The following SCAF4 variants were observed in gnomAD, a reference collection of about 807,000 sequenced individuals.
SCAF4 encodes the protein SR-related CTD associated factor 4.
SCAF4 carries 25 observed loss-of-function variants against 129.8 expected under a neutral mutation model. The ratio of observed to expected loss-of-function variants is 0.19; its 90% confidence interval spans 0.14 to 0.27. The LOEUF is 0.27. Ranked by LOEUF, SCAF4 falls within the 10% of genes least tolerant of loss-of-function variation. The pLI, the probability that SCAF4 is intolerant of heterozygous loss-of-function variation, is 1.00. For synonymous variants in SCAF4, 551 were observed against 497.7 expected (o/e 1.11, Z -1.43); for missense variants, 1,246 against 1,457.1 (o/e 0.86, Z 2.36).
chr21:31,673,255 A>T (rs2049757642), intron 19 of SCAF4, among the ~76,000 whole-genome samples: 1 of 152,182 alleles, frequency 6.6e-6, no homozygotes, highest in Non-Finnish European at 1.5e-5. Context: ...AAAGCATTGG[A>T]ATCTCTCAAT....
chr21:31,678,486 A>G (rs925069188), intron 19 of SCAF4, among the ~76,000 whole-genome samples: 1 of 150,952 alleles, frequency 6.6e-6, no homozygotes, highest in Non-Finnish European at 1.5e-5. Flanking sequence ...ACCAACTTCT[A>G]GAGTCTGTTT....
At chr21:31,682,487 T>C (rs2050020336) in intron 19 of SCAF4, among the ~76,000 whole-genome samples, 1 of 152,228 alleles carries the variant, frequency 6.6e-6, no homozygotes, top group African/African-American at 2.4e-5. Flanking sequence ...CTCTAGGTCT[T>C]ATAAATAACA....
At chr21:31,696,522 A>G (rs2050389700) in intron 8 of SCAF4, 47 bp downstream of exon 8, 2 of 1,506,210 alleles carry the variant, frequency 1.3e-6, no homozygotes, top group Non-Finnish European at 9.0e-7. Flanking sequence ...ATGCCTTACA[A>G]CTATTACCAA....
In SCAF4 at chr21:31,685,391, T is replaced by A. The variant is rs1053470333; in HGVS notation, c.2296+7A>T. ...ATAAGCAAACACAAAGAAAAAAACA[T>A]GCTTACAGTTTGGGATGCTTATTGG... On this transcript the variant is annotated splice_region_variant and intron_variant, in intron 18 of 19. Coordinates refer to ENST00000286835, the MANE Select transcript of SCAF4 (RefSeq NM_020706.2). The A allele has an allele frequency of 2.5e-6, 4 of 1,604,014 alleles. No homozygotes were observed. Among genetic ancestry groups the A allele is most frequent in the African/African-American group, 1.3e-5 (1 of 74,510 alleles).
intron 14 of SCAF4, among the ~76,000 whole-genome samples, chr21:31,691,462 T>C (rs2050257720): frequency 6.6e-6 from 1 of 152,194 alleles, no homozygotes. Flanking sequence ...ATTTTTCAGT[T>C]AATTCTAAGA....
intron 19 of SCAF4, among the ~76,000 whole-genome samples, chr21:31,682,522 A>G (rs2050021093): frequency 6.6e-6 from 1 of 152,218 alleles, no homozygotes; most frequent in Non-Finnish European, 1.5e-5. Context: ...TACCTGTAAT[A>G]TAAGCACCCA....
chr21:31,726,199 C>T (rs192218195), intron 1 of SCAF4, among the ~76,000 whole-genome samples: 3 of 152,078 alleles, frequency 2.0e-5, no homozygotes, highest in Non-Finnish European at 2.9e-5. Context: ...GCGCCCGCCA[C>T]CACACCCAGC....
At position 31,728,658 on chromosome 21, in the gene SCAF4, T is replaced by C. The variant is rs141158697; in HGVS notation, c.30+3005A>G. ...ACATATTAAATTAGATATGTGTACA[T>C]ATCTAATGCCTGACATGCCATTGGT... On this transcript the variant is annotated intron_variant, in intron 1 of 19. Coordinates refer to ENST00000286835, the MANE Select transcript of SCAF4 (RefSeq NM_020706.2). Among the ~76,000 whole-genome samples the C allele has an allele frequency of 2.7e-3, 408 of 152,292 alleles. 5 individuals are homozygous for C. Among genetic ancestry groups the C allele is most frequent in the African/African-American group, 9.2e-3 (381 of 41,558 alleles).
intron 1 of SCAF4, among the ~76,000 whole-genome samples, chr21:31,711,148 A>AT: frequency 6.6e-6 from 1 of 152,214 alleles, no homozygotes; most frequent in South Asian, 2.1e-4. Flanking sequence ...CTTTACCAAC[A>AT]TTTTTCTTAA....
In SCAF4 at chr21:31,705,287, T is replaced by G. The variant is rs914668048; in HGVS notation, c.159+136A>C. On this transcript the variant is annotated intron_variant, in intron 3 of 19. Transcript: ENST00000286835. ...CTGCTAAAAATGTGTTTTTATAAAC[T>G]TCTAGTGATTAAAAAGAACCTCTAG... is the stretch of plus-strand genomic sequence containing the variant. 8.3e-6 allele frequency: 4 copies of G among 480,874 alleles called. No individual in the cohort carries two copies. The East Asian group carries it at 1.5e-4, about 18-fold the overall frequency. 29.8% of individuals were successfully genotyped at this position (480,874 alleles called of 1,614,324 possible).
At chr21:31,714,619 C>G (rs2123648871) in intron 1 of SCAF4, among the ~76,000 whole-genome samples, 1 of 152,316 alleles carries the variant, frequency 6.6e-6, no homozygotes, top group African/African-American at 2.4e-5. Context: ...ACGAGGGTAT[C>G]TGGCCTGTGA....
rs1027334152 is a variant in SCAF4, at chr21:31,673,023, C to T, written c.2489-669G>A. On this transcript the variant is annotated intron_variant, in intron 19 of 19. Transcript: ENST00000286835. The stretch of plus-strand genomic sequence containing the variant: ...TGATATTTAACTTGCGAGGCCATCA[C>T]GACCTGAATAATGCTCAATGTTCAG... Among the ~76,000 whole-genome samples the T allele has an allele frequency of 1.4e-4, 21 of 152,220 alleles. 1 individual carries two copies. Among genetic ancestry groups the T allele is most frequent in the African/African-American group, 5.1e-4 (21 of 41,448 alleles).
At chr21:31,682,126 T>G (rs1483664536) in intron 19 of SCAF4, among the ~76,000 whole-genome samples, 1 of 152,136 alleles carries the variant, frequency 6.6e-6, no homozygotes, top group Non-Finnish European at 1.5e-5. Flanking sequence ...TCAAGATAAA[T>G]TTTTTCCTAA....
intron 6 of SCAF4, 148 bp downstream of exon 6, chr21:31,701,628 C>T (rs1465643591): frequency 1.2e-5 from 9 of 771,346 alleles, no homozygotes; most frequent in Non-Finnish European, 1.6e-5. Context: ...CCTGTTCCTC[C>T]TACATTACTT....
At position 31,715,879 on chromosome 21, in the gene SCAF4, G is replaced by A. The variant is rs114546730; in HGVS notation, c.31-9522C>T. On this transcript the variant is annotated intron_variant, in intron 1 of 19. Coordinates refer to ENST00000286835, the MANE Select transcript of SCAF4 (RefSeq NM_020706.2). ...ATGCAATCATATACAATACCTTTCT[G>A]AAATATTTGGTATATAGTTTTCACT... Among the ~76,000 whole-genome samples, 191 of 152,212 alleles carry A rather than the reference G, an allele frequency of 1.3e-3. 1 individual carries two copies. The highest frequency in any genetic ancestry group is 4.3e-3 in the African/African-American group (180 of 41,540).
At chr21:31,704,770 TTTTA>T (rs1184429519) in intron 3 of SCAF4, among the ~76,000 whole-genome samples, 1 of 152,204 alleles carries the variant, frequency 6.6e-6, no homozygotes, top group East Asian at 1.9e-4. Flanking sequence ...ATTTTTTCCA[TTTTA>T]TTTATTTGTA....
chr21:31,685,800 A>G, intron 16 of SCAF4, 67 bp from the exon 17 acceptor site: 1 of 1,419,612 alleles, frequency 7.0e-7, no homozygotes, highest in Admixed American at 2.4e-5. Flanking sequence ...GTAAGCACAG[A>G]TAAAAGAGCA....
At chr21:31,717,855 A>C (rs2050960701) in intron 1 of SCAF4, among the ~76,000 whole-genome samples, 1 of 132,330 alleles carries the variant, frequency 7.6e-6, no homozygotes, top group Admixed American at 7.6e-5. Flanking sequence ...ACACACACAC[A>C]CACACACACA....
chr21:31,722,282 CA>C (rs752270844), intron 1 of SCAF4, among the ~76,000 whole-genome samples: 1 of 152,096 alleles, frequency 6.6e-6, no homozygotes, highest in Non-Finnish European at 1.5e-5. Flanking sequence ...AGAGTAAGTA[CA>C]AAAAGGTTCA....
Sources: gnomAD v4.1 joint callset for allele counts (sites outside exome capture counted in the v4.1 genomes callset) on GRCh38, gnomAD v4.1.1 for gene constraint, MANE v1.5 for transcripts, NCBI Gene and HGNC (gene_info 2026-07-23, HGNC 2026-07-21) for gene names.